The following ASAP1 variants were observed in gnomAD, a reference collection of about 807,000 sequenced individuals.
ASAP1 encodes arf-GAP with SH3 domain, ANK repeat and PH domain-containing protein 1.
In ASAP1, 43 loss-of-function variants were observed where a neutral mutation model predicts 145.2. That is an observed-to-expected ratio of 0.30 (90% CI 0.23 to 0.38). The LOEUF (loss-of-function observed/expected upper bound fraction) is 0.38, where lower values mean the gene tolerates loss of function less well. ASAP1 is among the 10% of genes least tolerant of loss of function. The pLI, the probability that ASAP1 is intolerant of heterozygous loss-of-function variation, is 1.00. For missense variants in ASAP1, 1,018 were observed against 1,355.3 expected (o/e 0.75, Z 3.91); for synonymous variants, 546 against 515.5 (o/e 1.06, Z -0.80).
chr8:130,440,476 C>A (rs1203482759), intron 1 of ASAP1, among the ~76,000 whole-genome samples: 1 of 150,022 alleles, frequency 6.7e-6, no homozygotes, highest in Non-Finnish European at 1.5e-5. Flanking sequence ...CACTGCACTC[C>A]AGACTGGGCA....
At position 130,071,079 on chromosome 8, in the gene ASAP1, A is replaced by T. The variant is rs2097445469; in HGVS notation, c.2701+5269T>A. 2.0e-5 allele frequency among the ~76,000 whole-genome samples: 3 copies of T among 149,664 alleles called. No homozygotes were observed. The South Asian group carries it at 6.3e-4, about 32-fold the overall frequency. ...AGTTTCCCCAAATCATCTAAGAAAAAAAAGTATTTTTTCTCCCCTACCCGA... is the reference window on the plus strand; with the variant it reads ...AGTTTCCCCAAATCATCTAAGAAAATAAAGTATTTTTTCTCCCCTACCCGA... On this transcript the variant is annotated intron_variant, in intron 27 of 29. Coordinates refer to ENST00000518721, the MANE Select transcript of ASAP1 (RefSeq NM_018482.4).
chr8:130,333,699 G>C (rs1322971234), intron 3 of ASAP1, among the ~76,000 whole-genome samples: 2 of 152,164 alleles, frequency 1.3e-5, no homozygotes, highest in Non-Finnish European at 2.9e-5. Flanking sequence ...AAACAGAAAG[G>C]TTCATATACA....
At chr8:130,328,202 A>T (rs944345538) in intron 3 of ASAP1, among the ~76,000 whole-genome samples, 2 of 152,098 alleles carry the variant, frequency 1.3e-5, no homozygotes, top group Non-Finnish European at 2.9e-5. Flanking sequence ...AATGACCACG[A>T]CTGGTGGACA....
chr8:130,382,013 A>G (rs1234431709), intron 2 of ASAP1, among the ~76,000 whole-genome samples: 1 of 152,150 alleles, frequency 6.6e-6, no homozygotes, highest in Non-Finnish European at 1.5e-5. Flanking sequence ...CAGGCCGAGC[A>G]TGGTGGCTCA....
intron 13 of ASAP1, among the ~76,000 whole-genome samples, chr8:130,147,008 T>C (rs893324377): frequency 2.6e-5 from 4 of 151,804 alleles, no homozygotes; most frequent in Admixed American, 6.6e-5. Context: ...GGTGGATCAC[T>C]TGAAGTCATG....
intron 3 of ASAP1, among the ~76,000 whole-genome samples, chr8:130,282,480 T>A (rs553560559): frequency 6.6e-6 from 1 of 152,220 alleles, no homozygotes; most frequent in Non-Finnish European, 1.5e-5. Flanking sequence ...GGTTCACCAA[T>A]TGCAATACGA....
intron 4 of ASAP1, among the ~76,000 whole-genome samples, chr8:130,222,178 T>C (rs1341780079): frequency 2.0e-5 from 3 of 152,208 alleles, no homozygotes; most frequent in Non-Finnish European, 2.9e-5. Flanking sequence ...TGTATATTCA[T>C]CCAATGAGGC....
intron 3 of ASAP1, among the ~76,000 whole-genome samples, chr8:130,262,854 C>T (rs185303280): frequency 3.3e-5 from 5 of 152,186 alleles, no homozygotes; most frequent in East Asian, 1.9e-4. Context: ...CCTTGAATGA[C>T]GCGCTAATGA....
At position 130,219,624 on chromosome 8, in the gene ASAP1, T is replaced by C. The variant is rs73427320; in HGVS notation, c.260-4923A>G. ...CTACATGCGAGTGCTAGAAGACTTT[T>C]GGGCACATAGTACAGTGGGAGTTAG... On this transcript the variant is annotated intron_variant, in intron 4 of 29. Coordinates refer to ENST00000518721, the MANE Select transcript of ASAP1 (RefSeq NM_018482.4). Among the ~76,000 whole-genome samples the C allele has an allele frequency of 4.6e-3, 705 of 152,306 alleles. 5 individuals are homozygous for C. The highest frequency in any genetic ancestry group is 0.016 in the African/African-American group (680 of 41,568).
intron 13 of ASAP1, among the ~76,000 whole-genome samples, chr8:130,138,618 C>T (rs917159000): frequency 6.6e-6 from 1 of 152,112 alleles, no homozygotes; most frequent in East Asian, 1.9e-4. Context: ...GGGTGGATCA[C>T]CTGAGGTCGG....
At chr8:130,439,229 C>T (rs930050030) in intron 1 of ASAP1, among the ~76,000 whole-genome samples, 1 of 152,142 alleles carries the variant, frequency 6.6e-6, no homozygotes, top group Non-Finnish European at 1.5e-5. Context: ...CCTCCTGATA[C>T]TGGAAAAGAC....
At chr8:130,097,878 CA>C (rs1473059585) in intron 24 of ASAP1, among the ~76,000 whole-genome samples, 1 of 152,156 alleles carries the variant, frequency 6.6e-6, no homozygotes, top group Non-Finnish European at 1.5e-5. Context: ...CTCAGCAAGG[CA>C]ATCTCTCCAC....
At chr8:130,417,951 G>T (rs1247318317) in intron 1 of ASAP1, among the ~76,000 whole-genome samples, 3 of 152,186 alleles carry the variant, frequency 2.0e-5, no homozygotes, top group African/African-American at 7.2e-5. Flanking sequence ...TGTGGCCAGG[G>T]GCTGGAACAC....
chr8:130,296,953 G>A (rs1402447990), intron 3 of ASAP1, among the ~76,000 whole-genome samples: 1 of 152,086 alleles, frequency 6.6e-6, no homozygotes, highest in Non-Finnish European at 1.5e-5. Context: ...GGGCTAAGTG[G>A]ATGAGAGAGG....
At chr8:130,332,125 T>C (rs1824729560) in intron 3 of ASAP1, among the ~76,000 whole-genome samples, 1 of 152,220 alleles carries the variant, frequency 6.6e-6, no homozygotes, top group South Asian at 2.1e-4. Flanking sequence ...AAACATTTCA[T>C]GACCAACATC....
At chr8:130,068,372 G>A (rs2097434666) in intron 27 of ASAP1, among the ~76,000 whole-genome samples, 1 of 152,184 alleles carries the variant, frequency 6.6e-6, no homozygotes, top group South Asian at 2.1e-4. Context: ...TCTGAGACTT[G>A]TGGTTACCAA....
intron 2 of ASAP1, among the ~76,000 whole-genome samples, chr8:130,385,758 T>C (rs1827984118): frequency 6.6e-6 from 1 of 152,204 alleles, no homozygotes; most frequent in African/African-American, 2.4e-5. Context: ...TGATTCGAAC[T>C]TGAGCTACTA....
chr8:130,068,484 T>C (rs1278116836), intron 27 of ASAP1, among the ~76,000 whole-genome samples: 2 of 152,242 alleles, frequency 1.3e-5, no homozygotes, highest in African/African-American at 4.8e-5. Flanking sequence ...TATCATCAGC[T>C]TCCTGAGGAA....
intron 5 of ASAP1, among the ~76,000 whole-genome samples, chr8:130,205,609 T>TA (rs1816169487): frequency 6.7e-6 from 1 of 149,486 alleles, no homozygotes; most frequent in Non-Finnish European, 1.5e-5. Context: ...TTTTTTTTTT[T>TA]AGCTTAAACT....
Sources: allele counts gnomAD v4.1 joint callset (sites outside exome capture counted in the v4.1 genomes callset), GRCh38; gene constraint gnomAD v4.1.1; transcripts MANE v1.5; gene names NCBI Gene and HGNC (gene_info 2026-07-23, HGNC 2026-07-21).